Variants in NYAP2 observed in about 807,000 individuals in gnomAD.
NYAP2 encodes the protein neuronal tyrosine-phosphorylated phosphoinositide-3-kinase adaptor 2.
Under a neutral mutation model 50.4 loss-of-function variants are expected in NYAP2, and 23 were observed. That is an observed-to-expected ratio of 0.46 (90% CI 0.33 to 0.65). The LOEUF (loss-of-function observed/expected upper bound fraction) is 0.65. Among genes scored for constraint, NYAP2 ranks in the 30% least tolerant of loss-of-function variants. NYAP2 has a pLI of 0.02. For missense variants in NYAP2, 885 were observed against 861.0 expected (o/e 1.03, Z -0.35); for synonymous variants, 394 against 365.2 (o/e 1.08, Z -0.90).
chr2:225,608,285 T>A (rs1182802095), intron 5 of NYAP2, among the ~76,000 whole-genome samples: 2 of 152,156 alleles, frequency 1.3e-5, no homozygotes, highest in Non-Finnish European at 2.9e-5. Context: ...ATTCTGATGT[T>A]GAGATGGTGA....
At chr2:225,419,005 T>C (rs1695171056) in intron 3 of NYAP2, among the ~76,000 whole-genome samples, 1 of 152,220 alleles carries the variant, frequency 6.6e-6, no homozygotes, top group African/African-American at 2.4e-5. Context: ...ACTGAAACTT[T>C]ACACTCATTA....
the NYAP2 span, among the ~76,000 whole-genome samples, chr2:225,674,756 A>G: frequency 6.6e-6 from 1 of 152,170 alleles, no homozygotes; most frequent in Non-Finnish European, 1.5e-5. Flanking sequence ...ATTCTCCTGG[A>G]GGCAGTATGT....
chr2:225,520,722 G>A (rs1365033295), intron 4 of NYAP2, among the ~76,000 whole-genome samples: 2 of 152,124 alleles, frequency 1.3e-5, no homozygotes, highest in Non-Finnish European at 2.9e-5. Flanking sequence ...CTCCAGCTTT[G>A]TTCTTTTGGC....
intron 3 of NYAP2, among the ~76,000 whole-genome samples, chr2:225,491,987 G>A (rs1690415575): frequency 6.6e-6 from 1 of 152,188 alleles, no homozygotes; most frequent in Non-Finnish European, 1.5e-5. Flanking sequence ...TAGAAGAGGA[G>A]GTGGTGGTAT....
intron 5 of NYAP2, among the ~76,000 whole-genome samples, chr2:225,626,227 A>G (rs1693208454): frequency 6.6e-6 from 1 of 152,254 alleles, no homozygotes; most frequent in Admixed American, 6.5e-5. Context: ...GGCATCTGAT[A>G]AAATATTTAG....
intron 2 of NYAP2, among the ~76,000 whole-genome samples, chr2:225,406,093 T>C (rs994480188): frequency 1.3e-5 from 2 of 151,670 alleles, no homozygotes; most frequent in African/African-American, 2.4e-5. Context: ...ACAACAAGGG[T>C]CTATTCCAAC....
rs79733901 is a variant in NYAP2 at position 225,617,131 on chromosome 2, T to C, written c.1619-9786T>C. Among the ~76,000 whole-genome samples the C allele has an allele frequency of 7.8e-3, 1,182 of 152,300 alleles. 17 individuals are homozygous for C. The highest frequency in any genetic ancestry group is 0.027 in the African/African-American group (1,122 of 41,574). ...GTAACCAAGCGATCTCTATGTGAGATTGTGACATTTCAAAAATCACATCAG... is the reference window on the plus strand; with the variant it reads ...GTAACCAAGCGATCTCTATGTGAGACTGTGACATTTCAAAAATCACATCAG... On this transcript the variant is annotated intron_variant, in intron 5 of 6. Transcript: ENST00000636099.
At chr2:225,672,476 C>T in the NYAP2 span, among the ~76,000 whole-genome samples, 1 of 152,166 alleles carries the variant, frequency 6.6e-6, no homozygotes, top group East Asian at 1.9e-4. Flanking sequence ...CTTCTACCCA[C>T]ACCACTAAAA....
intron 4 of NYAP2, among the ~76,000 whole-genome samples, chr2:225,545,071 C>T (rs1338165640): frequency 6.6e-6 from 1 of 152,114 alleles, no homozygotes; most frequent in African/African-American, 2.4e-5. Context: ...ATTGGAGCTT[C>T]ATCGTATGTT....
At chr2:225,657,134 G>T (rs973679188), downstream of NYAP2, among the ~76,000 whole-genome samples, 1 of 118,652 alleles carries the variant, frequency 8.4e-6, no homozygotes, top group Admixed American at 1.1e-4. Context: ...TTTTGAGACA[G>T]AGCTTCACTC....
At chr2:225,630,846 A>G (rs1044365142) in intron 6 of NYAP2, among the ~76,000 whole-genome samples, 1 of 152,216 alleles carries the variant, frequency 6.6e-6, no homozygotes, top group African/African-American at 2.4e-5. Context: ...AGAGACTGTC[A>G]ATGTGAGATG....
At chr2:225,415,536 C>T (rs1238698513) in intron 3 of NYAP2, among the ~76,000 whole-genome samples, 3 of 151,938 alleles carry the variant, frequency 2.0e-5, no homozygotes, top group Non-Finnish European at 4.4e-5. Context: ...GGGATCATAC[C>T]CATGATTTGT....
At chr2:225,667,370 G>C in the NYAP2 span, among the ~76,000 whole-genome samples, 1 of 152,174 alleles carries the variant, frequency 6.6e-6, no homozygotes, top group East Asian at 1.9e-4. Context: ...ACAAAGGAGT[G>C]AGAAGTCTGA....
chr2:225,512,741 T>G (rs1690843427), intron 3 of NYAP2, among the ~76,000 whole-genome samples: 1 of 151,170 alleles, frequency 6.6e-6, no homozygotes, highest in Non-Finnish European at 1.5e-5. Context: ...TCCTTCCTTT[T>G]TTCGTTTTTC....
intron 3 of NYAP2, among the ~76,000 whole-genome samples, chr2:225,468,484 C>G (rs1447435549): frequency 6.6e-6 from 1 of 152,120 alleles, no homozygotes; most frequent in Admixed American, 6.5e-5. Flanking sequence ...AGACAAGAAA[C>G]AGGACACAAA....
At chr2:225,521,561 T>C (rs1691057786) in intron 4 of NYAP2, among the ~76,000 whole-genome samples, 1 of 152,198 alleles carries the variant, frequency 6.6e-6, no homozygotes, top group South Asian at 2.1e-4. Context: ...GTTCTGTTTA[T>C]ATGCTGGATT....
chr2:225,446,242 C>T (rs1316394951), intron 3 of NYAP2, among the ~76,000 whole-genome samples: 1 of 110,292 alleles, frequency 9.1e-6, no homozygotes, highest in Non-Finnish European at 1.8e-5. Flanking sequence ...CTCTCTCTCT[C>T]TCTCTATATA....
intron 3 of NYAP2, among the ~76,000 whole-genome samples, chr2:225,425,572 A>G (rs1695275201): frequency 6.6e-6 from 1 of 152,202 alleles, no homozygotes; most frequent in Non-Finnish European, 1.5e-5. Flanking sequence ...GTGAAGGGGA[A>G]ATTAAAGAGG....
chr2:225,617,116 G>A (rs1288153405), intron 5 of NYAP2, among the ~76,000 whole-genome samples: 2 of 152,100 alleles, frequency 1.3e-5, no homozygotes, highest in South Asian at 2.1e-4. Context: ...GTAACCAAGC[G>A]ATCTCTATGT....
Sources: allele counts gnomAD v4.1 joint callset (sites outside exome capture counted in the v4.1 genomes callset), GRCh38; gene constraint gnomAD v4.1.1; transcripts MANE v1.5; gene names NCBI Gene and HGNC (gene_info 2026-07-23, HGNC 2026-07-21).